Variants in NCKAP5 observed in about 807,000 individuals in gnomAD.
NCKAP5 encodes the protein NCK associated protein 5.
Under a neutral mutation model 167.0 loss-of-function variants are expected in NCKAP5, and 92 were observed. The ratio of observed to expected loss-of-function variants is 0.55; its 90% CI spans 0.47 to 0.66. The LOEUF (loss-of-function observed/expected upper bound fraction) is 0.66. Ranked by LOEUF, NCKAP5 falls within the 30% of genes least tolerant of loss-of-function variation. NCKAP5 has a pLI of 0.00. For synonymous variants in NCKAP5, 891 were observed against 877.4 expected, an observed-to-expected ratio of 1.02 and a Z score of -0.27; for missense variants, 2,378 against 2,315.0, an observed-to-expected ratio of 1.03 and a Z score of -0.56.
At chr2:133,512,772 T>C (rs996636611) in intron 3 of NCKAP5, among the ~76,000 whole-genome samples, 10 of 152,176 alleles carry the variant, frequency 6.6e-5, no homozygotes, top group African/African-American at 1.9e-4. Flanking sequence ...ACCAATATCC[T>C]TGGGTTGCCT....
chr2:133,122,256 A>C (rs1023826754), intron 6 of NCKAP5: 1 of 152,212 alleles, frequency 6.6e-6, no homozygotes, highest in African/African-American at 2.4e-5. Flanking sequence ...TTATTATTGA[A>C]AGTAGAAATC....
chr2:133,389,633 C>T (rs1311847236), intron 3 of NCKAP5, among the ~76,000 whole-genome samples: 2 of 152,200 alleles, frequency 1.3e-5, no homozygotes, highest in African/African-American at 2.4e-5. Flanking sequence ...CTAAACGATA[C>T]ACCTATTTCT....
At chr2:132,898,723 T>C (rs760342136) in intron 8 of NCKAP5, among the ~76,000 whole-genome samples, 20 of 152,160 alleles carry the variant, frequency 1.3e-4, no homozygotes, top group Non-Finnish European at 2.6e-4. Flanking sequence ...AGTTTATGAG[T>C]AGTAATATTT....
chr2:133,598,640 C>A, the NCKAP5 span, among the ~76,000 whole-genome samples: 9 of 152,092 alleles, frequency 5.9e-5, no homozygotes, highest in Non-Finnish European at 1.3e-4. Flanking sequence ...CTTGTGAATA[C>A]CATGTTGGCT....
chr2:133,225,998 G>T lies in NCKAP5; in HGVS notation c.144-12219C>A, dbSNP rs1435435288. Among the ~76,000 whole-genome samples, 5 of 151,842 alleles carry T rather than the reference G, an allele frequency of 3.3e-5. No individual in the cohort carries two copies. In the East Asian group the frequency reaches 9.7e-4, roughly 29 times the overall value. Reference sequence around the variant, plus strand: ...AAGGTTTCACCATGTTGGCCAGGATGGTCTCAATCTCTTGACCTTGTGATC... The same window carrying T: ...AAGGTTTCACCATGTTGGCCAGGATTGTCTCAATCTCTTGACCTTGTGATC... On this transcript the variant is annotated intron_variant, in intron 4 of 19. Coordinates refer to ENST00000409261, the MANE Select transcript of NCKAP5 (RefSeq NM_207363.3).
chr2:132,713,094 T>G (rs1689016536), intron 19 of NCKAP5, among the ~76,000 whole-genome samples: 1 of 132,444 alleles, frequency 7.6e-6, no homozygotes. Flanking sequence ...GTGTGCTCCC[T>G]TTTGCGTAAG....
chr2:133,036,932 C>A (rs937312058), intron 6 of NCKAP5, among the ~76,000 whole-genome samples: 5 of 151,990 alleles, frequency 3.3e-5, no homozygotes, highest in Non-Finnish European at 2.9e-5. Context: ...AAAGGCTCCA[C>A]AAGAACTCTA....
At chr2:132,728,379 C>T (rs1574010018) in intron 18 of NCKAP5, among the ~76,000 whole-genome samples, 3 of 152,156 alleles carry the variant, frequency 2.0e-5, no homozygotes, top group South Asian at 2.1e-4. Flanking sequence ...TTTGACCACA[C>T]CGAGCATCTG....
In NCKAP5 at chr2:132,784,298, G is replaced by A. The variant is rs901403184; in HGVS notation, c.2513C>T (p.Ala838Val). ...TCGTGAGAGTTTCCCAGGAGCTAAG[G>A]CTGGTGATTTTTCAAGAGTCACCAG... The part of the protein sequence containing the change: ...SGLVTLEKSP[A>V]LAPGKLSRFM... Residue 838 changes from alanine to valine, a missense_variant, in exon 14 of 20, where the codon GCC (alanine) becomes GTC (valine). Coordinates refer to ENST00000409261, the MANE Select transcript of NCKAP5 (RefSeq NM_207363.3). 3 of 1,613,910 alleles carry A rather than the reference G, an allele frequency of 1.9e-6. No homozygotes were observed. Among genetic ancestry groups the A allele is most frequent in the Non-Finnish European group, 2.5e-6 (3 of 1,179,866 alleles).
intron 3 of NCKAP5, among the ~76,000 whole-genome samples, chr2:133,490,305 T>G (rs1681327060): frequency 6.6e-6 from 1 of 152,126 alleles, no homozygotes; most frequent in Admixed American, 6.5e-5. Context: ...GCGATGCTAG[T>G]TTTTCTAGAT....
At chr2:133,225,076 T>C (rs2086821934) in intron 4 of NCKAP5, among the ~76,000 whole-genome samples, 1 of 152,218 alleles carries the variant, frequency 6.6e-6, no homozygotes, top group Non-Finnish European at 1.5e-5. Flanking sequence ...AATTTTAAAA[T>C]TCCACTAAAA....
intron 3 of NCKAP5, among the ~76,000 whole-genome samples, chr2:133,345,252 G>A (rs1177737242): frequency 6.6e-6 from 1 of 152,060 alleles, no homozygotes; most frequent in Non-Finnish European, 1.5e-5. Context: ...CCCAGCTGCT[G>A]TGCAACCCTC....
chr2:133,126,211 T>C (rs2082399716), intron 6 of NCKAP5, among the ~76,000 whole-genome samples: 1 of 152,204 alleles, frequency 6.6e-6, no homozygotes, highest in Admixed American at 6.5e-5. Flanking sequence ...TCTCCCTCCA[T>C]TGACTCACCT....
chr2:133,142,860 C>G (rs542801961), intron 5 of NCKAP5, among the ~76,000 whole-genome samples: 2 of 152,232 alleles, frequency 1.3e-5, no homozygotes, highest in South Asian at 2.1e-4. Flanking sequence ...ATTTTCAAGA[C>G]TTTGGCAGAG....
intron 5 of NCKAP5, among the ~76,000 whole-genome samples, chr2:133,210,208 T>TATAATATAATATAACATAAC (rs1559271096): frequency 1.3e-5 from 2 of 149,544 alleles, no homozygotes; most frequent in African/African-American, 4.9e-5. Flanking sequence ...CATAATATAA[T>TATAATATAATATAACATAAC]GTAATGTAAT....
chr2:133,643,909 G>C, the NCKAP5 span, among the ~76,000 whole-genome samples: 2 of 151,924 alleles, frequency 1.3e-5, no homozygotes, highest in Non-Finnish European at 2.9e-5. Context: ...CAATTCCCCC[G>C]CCCTGCCTGA....
In NCKAP5 at chr2:133,319,802, ATT is replaced by A. The variant is rs768358814; in HGVS notation, c.70-16694_70-16693del. 7.9e-5 allele frequency among the ~76,000 whole-genome samples: 12 copies of A among 152,300 alleles called. No individual in the cohort carries two copies. The East Asian group carries it at 1.7e-3, about 22-fold the overall frequency. On this transcript the variant is annotated intron_variant, in intron 3 of 19. Coordinates refer to ENST00000409261, the MANE Select transcript of NCKAP5 (RefSeq NM_207363.3). ...GGAACATCAGGAAACTTATGCAAAT[ATT>A]TTTGGGAATTTGTTCTGAGTATGCA... is the stretch of plus-strand genomic sequence containing the variant.
At chr2:132,871,987 G>A (rs1049409472) in intron 9 of NCKAP5, among the ~76,000 whole-genome samples, 1 of 152,168 alleles carries the variant, frequency 6.6e-6, no homozygotes, top group African/African-American at 2.4e-5. Context: ...CTGCCCTCAA[G>A]CTAACATTAT....
At chr2:133,311,909 T>C (rs900891244) in intron 3 of NCKAP5, among the ~76,000 whole-genome samples, 1 of 152,224 alleles carries the variant, frequency 6.6e-6, no homozygotes, top group African/African-American at 2.4e-5. Context: ...TTTTATTCTA[T>C]TGGTACTAGC....
Sources: gnomAD v4.1 joint callset for allele counts (sites outside exome capture counted in the v4.1 genomes callset) on GRCh38, gnomAD v4.1.1 for gene constraint, MANE v1.5 for transcripts, NCBI Gene and HGNC (gene_info 2026-07-23, HGNC 2026-07-21) for gene names.